Variants in SPTLC3 observed in about 807,000 individuals in gnomAD.
SPTLC3 encodes the protein serine palmitoyltransferase long chain base subunit 3.
SPTLC3 carries 36 observed loss-of-function variants against 59.3 expected under a neutral mutation model. The observed-to-expected ratio is 0.61, with a 90% CI of 0.47 to 0.80. The LOEUF (loss-of-function observed/expected upper bound fraction) is 0.80, where lower values mean the gene tolerates loss of function less well. SPTLC3 is among the 30% of genes least tolerant of loss of function. The probability of loss-of-function intolerance (pLI) is 0.00; values close to 1 mark genes in which losing one functional copy is unlikely to be tolerated. For missense variants in SPTLC3, 625 were observed against 685.1 expected (o/e 0.91, Z 0.98); for synonymous variants, 257 against 240.8 (o/e 1.07, Z -0.62).
At chr20:13,027,905 C>A (rs1298671488) in intron 1 of SPTLC3, among the ~76,000 whole-genome samples, 1 of 152,036 alleles carries the variant, frequency 6.6e-6, no homozygotes, top group Non-Finnish European at 1.5e-5. Flanking sequence ...GTCATCACAT[C>A]TCTATGTTTT....
At chr20:13,120,142 T>A (rs924467903) in intron 8 of SPTLC3, among the ~76,000 whole-genome samples, 2 of 152,224 alleles carry the variant, frequency 1.3e-5, no homozygotes, top group East Asian at 3.8e-4. Flanking sequence ...TAAAGATTTT[T>A]GTTTGAAAAA....
At chr20:13,082,551 T>A (rs1417165710) in intron 4 of SPTLC3, among the ~76,000 whole-genome samples, 1 of 140,072 alleles carries the variant, frequency 7.1e-6, no homozygotes, top group East Asian at 2.1e-4. Context: ...CCACACCCAC[T>A]ATTTTGTGTA....
chr20:13,158,590 C>T (rs150086434), intron 10 of SPTLC3, among the ~76,000 whole-genome samples: 134 of 152,186 alleles, frequency 8.8e-4, no homozygotes, highest in Non-Finnish European at 1.7e-3. Context: ...TGTGCAGTTC[C>T]GTGGGCAGCC....
intron 10 of SPTLC3, among the ~76,000 whole-genome samples, chr20:13,158,022 A>G (rs2038813624): frequency 6.6e-6 from 1 of 152,220 alleles, no homozygotes; most frequent in South Asian, 2.1e-4. Context: ...TCTTCTATAG[A>G]GCTGTGCAAT....
intron 4 of SPTLC3, among the ~76,000 whole-genome samples, chr20:13,078,216 T>A (rs200971008): frequency 1.0e-4 from 15 of 146,926 alleles, no homozygotes; most frequent in Non-Finnish European, 1.8e-4. Flanking sequence ...TAAGTAATAA[T>A]ATAATATTAT....
At chr20:13,027,316 C>G (rs1035491920) in intron 1 of SPTLC3, among the ~76,000 whole-genome samples, 1 of 152,168 alleles carries the variant, frequency 6.6e-6, no homozygotes, top group Non-Finnish European at 1.5e-5. Context: ...CATCCAGGAT[C>G]TCATTGTACC....
chr20:13,017,637 C>T (rs1985599577), intron 1 of SPTLC3, among the ~76,000 whole-genome samples: 1 of 152,052 alleles, frequency 6.6e-6, no homozygotes. Flanking sequence ...TTTTTTTTAG[C>T]TTATCAGCTA....
intron 4 of SPTLC3, among the ~76,000 whole-genome samples, chr20:13,077,850 C>T (rs1416467603): frequency 5.3e-5 from 8 of 151,480 alleles, no homozygotes; most frequent in African/African-American, 1.7e-4. Flanking sequence ...GGTGTAATCA[C>T]AGCTCACTGT....
At position 13,167,974 on chromosome 20, in the gene SPTLC3, T is replaced by A. The variant is rs2039004942; in HGVS notation, c.*3107T>A. On this transcript the variant is annotated 3_prime_UTR_variant, in exon 12 of 12. Coordinates refer to ENST00000399002, the MANE Select transcript of SPTLC3 (RefSeq NM_018327.4). Reference sequence around the variant, plus strand: ...TTAAGTGTATATATACTGGTAAAATTAATTTATTCCACAGTCAACCTTCTC... The same window carrying A: ...TTAAGTGTATATATACTGGTAAAATAAATTTATTCCACAGTCAACCTTCTC... 6.6e-6 allele frequency: 1 copy of A among 152,222 alleles called. No individual in the cohort carries two copies. Among genetic ancestry groups the A allele is most frequent in the Non-Finnish European group, 1.5e-5 (1 of 68,046 alleles). The allele number at this position is 152,222 out of a possible 1,614,324, so 9.4% of individuals were successfully genotyped here.
chr20:13,096,514 T>C (rs764817558), intron 6 of SPTLC3, among the ~76,000 whole-genome samples: 1 of 151,808 alleles, frequency 6.6e-6, no homozygotes, highest in East Asian at 1.9e-4. Context: ...ATTTTAATTA[T>C]TTTGAGTGAA....
intron 2 of SPTLC3, among the ~76,000 whole-genome samples, chr20:13,053,354 A>G (rs1402159281): frequency 6.6e-6 from 1 of 152,108 alleles, no homozygotes; most frequent in African/African-American, 2.4e-5. Flanking sequence ...CGTCAACATC[A>G]ACAAAAAGGA....
At chr20:13,156,367 A>G (rs945080790) in intron 10 of SPTLC3, among the ~76,000 whole-genome samples, 1 of 152,214 alleles carries the variant, frequency 6.6e-6, no homozygotes, top group Non-Finnish European at 1.5e-5. Context: ...AAACAAATGC[A>G]TGTAACTTCA....
intron 2 of SPTLC3, among the ~76,000 whole-genome samples, chr20:13,064,420 A>G (rs978477299): frequency 1.3e-5 from 2 of 152,016 alleles, no homozygotes; most frequent in African/African-American, 4.8e-5. Context: ...CAACCCCCCG[A>G]GTAGCTGAAA....
rs1442695682 is a variant in SPTLC3, at chr20:13,074,567, C to T, written c.607+70C>T. 2.0e-6 allele frequency: 3 copies of T among 1,506,154 alleles called. No individual in the cohort carries two copies. The Admixed American group carries it at 5.7e-5, about 29-fold the overall frequency. 93.3% of individuals were successfully genotyped at this position (1,506,154 alleles called of 1,614,324 possible). ...GATTCCTTGTGTCTGTCTCTCAAAT[C>T]TAGATCATATTTGGACTGTGTCCCT... On this transcript the variant is annotated intron_variant, in intron 4 of 11. Coordinates refer to ENST00000399002, the MANE Select transcript of SPTLC3 (RefSeq NM_018327.4).
chr20:13,029,331 G>T (rs956654320), intron 1 of SPTLC3, among the ~76,000 whole-genome samples: 1 of 152,168 alleles, frequency 6.6e-6, no homozygotes, highest in African/African-American at 2.4e-5. Context: ...GTTCGCTTTT[G>T]TTAAGTATAA....
At chr20:13,130,135 C>T (rs557980429) in intron 9 of SPTLC3, among the ~76,000 whole-genome samples, 6 of 152,210 alleles carry the variant, frequency 3.9e-5, no homozygotes, top group Non-Finnish European at 7.3e-5. Context: ...GAAAGTCATA[C>T]AGTGAATGAT....
At chr20:13,151,258 T>G (rs1298123694) in intron 9 of SPTLC3, among the ~76,000 whole-genome samples, 1 of 152,216 alleles carries the variant, frequency 6.6e-6, no homozygotes, top group Admixed American at 6.5e-5. Flanking sequence ...CTCTAAATTT[T>G]TCACATCCAC....
chr20:13,068,433 T>G (rs536572065), intron 2 of SPTLC3, among the ~76,000 whole-genome samples: 7 of 152,350 alleles, frequency 4.6e-5, no homozygotes, highest in Middle Eastern at 3.4e-3. Flanking sequence ...TTTTCTGGTT[T>G]AGTTAAAATG....
At chr20:13,077,239 C>T (rs1002299856) in intron 4 of SPTLC3, among the ~76,000 whole-genome samples, 3 of 150,720 alleles carry the variant, frequency 2.0e-5, no homozygotes, top group Non-Finnish European at 4.4e-5. Flanking sequence ...AAAGGGAAAA[C>T]TATAAGTTAC....
Sources: gnomAD v4.1 joint callset for allele counts (sites outside exome capture counted in the v4.1 genomes callset) on GRCh38, gnomAD v4.1.1 for gene constraint, MANE v1.5 for transcripts, NCBI Gene and HGNC (gene_info 2026-07-23, HGNC 2026-07-21) for gene names.